LAMP3: variants seen among roughly 807,000 people sequenced by gnomAD.
The protein encoded by LAMP3 is lysosome-associated membrane glycoprotein 3.
A neutral mutation model predicts 34.8 loss-of-function variants in LAMP3; 26 were observed. The observed-to-expected ratio is 0.75, with a 90% CI of 0.55 to 1.04. LAMP3 has a LOEUF of 1.04. Among genes scored for constraint, LAMP3 ranks in the 50% least tolerant of loss-of-function variants. The pLI, the probability that LAMP3 is intolerant of heterozygous loss-of-function variation, is 0.00. For synonymous variants in LAMP3, 180 were observed against 201.9 expected (o/e 0.89, Z 0.92); for missense variants, 495 against 524.0 (o/e 0.94, Z 0.54).
chr3:183,131,582 A>G (rs1234675445), intron 5 of LAMP3, among the ~76,000 whole-genome samples: 1 of 152,216 alleles, frequency 6.6e-6, no homozygotes, highest in African/African-American at 2.4e-5. Context: ...AGGGGCTCTT[A>G]GTGCTCTTTT....
intron 5 of LAMP3, among the ~76,000 whole-genome samples, chr3:183,127,725 A>C (rs971488394): frequency 6.6e-5 from 10 of 152,196 alleles, no homozygotes; most frequent in South Asian, 4.1e-4. Flanking sequence ...CTGTGTGAAC[A>C]ACGTTTTGGT....
At chr3:183,151,479 G>A (rs1720631836) in intron 3 of LAMP3, among the ~76,000 whole-genome samples, 5 of 146,574 alleles carry the variant, frequency 3.4e-5, no homozygotes. Flanking sequence ...CCAGGCTGGA[G>A]TGCAATGGCG....
At chr3:183,162,569 C>T (rs1402126331) in intron 1 of LAMP3, 38 bp downstream of exon 1, 1 of 1,543,556 alleles carries the variant, frequency 6.5e-7, no homozygotes, top group Non-Finnish European at 8.8e-7. Flanking sequence ...GGGACCGACA[C>T]GTCAGGGCCA....
chr3:183,131,846 A>T, intron 5 of LAMP3: 1 of 798,050 alleles, frequency 1.3e-6, no homozygotes, highest in Non-Finnish European at 1.5e-6. Context: ...CCATCAATGT[A>T]ATAGGAAACC....
At chr3:183,126,773 GGATA>G (rs1239920314) in intron 5 of LAMP3, among the ~76,000 whole-genome samples, 1 of 151,856 alleles carries the variant, frequency 6.6e-6, no homozygotes. Context: ...AGAACTACAA[GGATA>G]GATAGGTTAG....
At chr3:183,134,567 T>C (rs1720026075) in intron 5 of LAMP3, among the ~76,000 whole-genome samples, 1 of 152,206 alleles carries the variant, frequency 6.6e-6, no homozygotes, top group South Asian at 2.1e-4. Flanking sequence ...TTTCCAACAC[T>C]AGCATTTTTG....
At position 183,122,403 on chromosome 3, in the gene LAMP3, CT is replaced by C. The variant is rs1719692213; in HGVS notation, c.*1677del. ...TTATGTGGACTTTTCTGTTAACATC[CT>C]GACTTAGTTCCTTTCTTTAGCAGCA... On this transcript the variant is annotated 3_prime_UTR_variant, in exon 6 of 6. Transcript: ENST00000265598. The C allele has an allele frequency of 2.0e-5, 3 of 152,116 alleles. No homozygotes were observed. Among genetic ancestry groups the C allele is most frequent in the South Asian group, 4.1e-4 (2 of 4,832 alleles). 9.4% of individuals were successfully genotyped at this position (152,116 alleles called of 1,614,324 possible).
rs1373110787 is a variant in LAMP3, at chr3:183,130,016, G to A, written c.1117+5701C>T. On this transcript the variant is annotated intron_variant, in intron 5 of 5. Coordinates refer to ENST00000265598, the MANE Select transcript of LAMP3 (RefSeq NM_014398.4). Reference sequence around the variant, plus strand: ...TCTACAGCCAAGGAGAGAAGTTTCAGAAAAACCAATGCTGCTGAGACCTTG... The same window carrying A: ...TCTACAGCCAAGGAGAGAAGTTTCAAAAAAACCAATGCTGCTGAGACCTTG... 2.0e-5 allele frequency among the ~76,000 whole-genome samples: 3 copies of A among 152,162 alleles called. No homozygotes were observed. In the East Asian group the frequency reaches 5.8e-4, roughly 29 times the overall value.
At chr3:183,161,898 G>C in intron 1 of LAMP3, 1 of 925,156 alleles carries the variant, frequency 1.1e-6, no homozygotes, top group Non-Finnish European at 1.3e-6. Flanking sequence ...CTAGGCAAGG[G>C]CAGCTGGCAC....
Position 183,135,859 on chromosome 3 carries a change from C to T in LAMP3, c.975G>A (p.Ala325=), listed in dbSNP as rs142742559. 80 of 1,613,846 alleles carry T rather than the reference C, an allele frequency of 5.0e-5. No individual in the cohort carries two copies. The highest frequency in any genetic ancestry group is 6.3e-5 in the Non-Finnish European group (74 of 1,179,828). The change falls in exon 5 of 6, where the codon GCG becomes GCA. Residue 325 remains alanine (A), a synonymous_variant. Coordinates refer to ENST00000265598, the MANE Select transcript of LAMP3 (RefSeq NM_014398.4). ...CGACTGCTGTCTGGAACATCACCAC[C>T]GCATGTTTGATTCCTTGGTAAATTG... ...PETIYQGIKH[A]VVMFQTAVGH... is the part of the protein sequence containing the mutation.
In LAMP3 at chr3:183,136,402, A is replaced by G. The variant is rs557012743; in HGVS notation, c.947-515T>C. ...CGCGGTGGCTCACGCCTGTAATCCC[A>G]GCACTTTGGGAGGCCGAGGCGGTCA... On this transcript the variant is annotated intron_variant, in intron 4 of 5. Coordinates refer to ENST00000265598, the MANE Select transcript of LAMP3 (RefSeq NM_014398.4). Among the ~76,000 whole-genome samples the G allele has an allele frequency of 2.2e-4, 33 of 152,320 alleles. No individual in the cohort carries two copies. The East Asian group carries it at 6.4e-3, about 29-fold the overall frequency.
chr3:183,135,938 G>T, intron 4 of LAMP3, 51 bp from the exon 5 acceptor site: 1 of 1,456,492 alleles, frequency 6.9e-7, no homozygotes, highest in Non-Finnish European at 9.6e-7. Context: ...TAACCGCTGA[G>T]CTCCAGCTGT....
At chr3:183,141,947 C>A (rs1044097407) in intron 3 of LAMP3, among the ~76,000 whole-genome samples, 1 of 152,188 alleles carries the variant, frequency 6.6e-6, no homozygotes, top group Admixed American at 6.5e-5. Flanking sequence ...TAGCCTTTAA[C>A]GTCTCTTTCA....
intron 1 of LAMP3, among the ~76,000 whole-genome samples, chr3:183,156,353 C>T (rs1264003490): frequency 5.1e-5 from 5 of 98,564 alleles, no homozygotes; most frequent in African/African-American, 1.9e-4. Flanking sequence ...AAAAGCAAAA[C>T]GCTGTCTCAA....
intron 5 of LAMP3, among the ~76,000 whole-genome samples, chr3:183,133,521 G>GT (rs754910532): frequency 4.6e-5 from 7 of 152,126 alleles, no homozygotes; most frequent in Non-Finnish European, 7.4e-5. Flanking sequence ...TGCCGGGCTA[G>GT]TTTTTTGTAT....
rs1719718128 is a variant in LAMP3, at chr3:183,123,625, A to C, written c.*456T>G. ...GCTACACCAGGAATATGTATGTTAC[A>C]TGAAACCATAAAACACAGATAGTAA... On this transcript the variant is annotated 3_prime_UTR_variant, in exon 6 of 6. Transcript: ENST00000265598. The C allele has an allele frequency of 6.1e-6, 1 of 163,266 alleles. No homozygotes were observed. The highest frequency in any genetic ancestry group is 6.0e-5 in the Admixed American group (1 of 16,762). The allele number at this position is 163,266 out of a possible 1,614,324, so 10.1% of individuals were successfully genotyped here.
chr3:183,144,077 T>A (rs1174666598), intron 3 of LAMP3, among the ~76,000 whole-genome samples: 6 of 152,210 alleles, frequency 3.9e-5, no homozygotes, highest in Admixed American at 3.9e-4. Flanking sequence ...TAGTCCCAGC[T>A]GTTCAGGATG....
At position 183,153,854 on chromosome 3, in the gene LAMP3, G is replaced by A; in HGVS notation, c.587C>T (p.Ala196Val). Residue 196 changes from alanine (A) to valine (V), a missense_variant, in exon 2 of 6, where the codon GCA becomes GTA. Coordinates refer to ENST00000265598, the MANE Select transcript of LAMP3 (RefSeq NM_014398.4). ...VQPTHAPGTT[A>V]AAHNTTRTAA... ...TGTGCGGGTGGTATTGTGGGCAGCT[G>A]CCGTTGTTCCTGGGGCATGGGTGGG... 1 of 1,611,866 alleles carries A rather than the reference G, an allele frequency of 6.2e-7. No individual in the cohort carries two copies. The highest frequency in any genetic ancestry group is 8.5e-7 in the Non-Finnish European group (1 of 1,178,580).
intron 1 of LAMP3, among the ~76,000 whole-genome samples, chr3:183,157,888 C>T (rs946726732): frequency 8.5e-5 from 13 of 152,084 alleles, no homozygotes; most frequent in Admixed American, 5.2e-4. Flanking sequence ...ATGTGGTACC[C>T]GGTCAAGGTG....
Sources: gnomAD v4.1 joint callset for allele counts (sites outside exome capture counted in the v4.1 genomes callset) on GRCh38, gnomAD v4.1.1 for gene constraint, MANE v1.5 for transcripts, NCBI Gene and HGNC (gene_info 2026-07-23, HGNC 2026-07-21) for gene names.